Variants in MBTD1 observed in about 807,000 individuals in gnomAD.
MBTD1 encodes the protein mbt domain containing 1.
MBTD1 carries 24 observed loss-of-function variants against 87.8 expected under a neutral mutation model. The ratio of observed to expected loss-of-function variants is 0.27; its 90% CI spans 0.20 to 0.38. The LOEUF is 0.38. Among genes scored for constraint, MBTD1 ranks in the 10% least tolerant of loss-of-function variants. The pLI is 1.00. For missense variants in MBTD1, 436 were observed against 760.2 expected (o/e 0.57, Z 5.02); for synonymous variants, 237 against 248.6 (o/e 0.95, Z 0.44).
rs575726477 is a variant in MBTD1 at position 51,249,079 on chromosome 17, C to T, written c.-49+10064G>A. Among the ~76,000 whole-genome samples the T allele has an allele frequency of 8.8e-5, 13 of 147,932 alleles. No individual in the cohort carries two copies. The South Asian group carries it at 2.6e-3, about 30-fold the overall frequency. ...TAGCCTGGGCAACATGGCGAGACTTCGTCTCTACAATAAGCAAAAAAAAAA... is the reference window on the plus strand; with the variant it reads ...TAGCCTGGGCAACATGGCGAGACTTTGTCTCTACAATAAGCAAAAAAAAAA... On this transcript the variant is annotated intron_variant, in intron 2 of 16. Transcript: ENST00000586178.
chr17:51,181,058 T>C (rs2050287311), intron 16 of MBTD1, among the ~76,000 whole-genome samples: 1 of 150,628 alleles, frequency 6.6e-6, no homozygotes, highest in Non-Finnish European at 1.5e-5. Flanking sequence ...AGTCTCACTC[T>C]GTCATCAGGC....
chr17:51,193,072 C>T lies in MBTD1; in HGVS notation c.1456-56G>A, dbSNP rs1033964405. The T allele has an allele frequency of 4.3e-6, 5 of 1,153,308 alleles. No individual in the cohort carries two copies. The African/African-American group carries it at 6.1e-5, about 14-fold the overall frequency. The allele number at this position is 1,153,308 out of a possible 1,614,324, so 71.4% of individuals were successfully genotyped here. The stretch of plus-strand genomic sequence containing the variant: ...TATGAAGAAGAAAGAATGCACAACC[C>T]TACTATCACTAAGAAAGCAAAAAAC... On this transcript the variant is annotated intron_variant, in intron 14 of 16. Coordinates refer to ENST00000586178, the MANE Select transcript of MBTD1 (RefSeq NM_017643.3).
intron 16 of MBTD1, among the ~76,000 whole-genome samples, chr17:51,187,749 T>C (rs1316444041): frequency 1.3e-5 from 2 of 150,896 alleles, no homozygotes; most frequent in Non-Finnish European, 2.9e-5. Flanking sequence ...CTTGGGAGGC[T>C]GAAGCAGGAG....
At chr17:51,239,991 A>C (rs1033919419) in intron 2 of MBTD1, among the ~76,000 whole-genome samples, 2 of 152,166 alleles carry the variant, frequency 1.3e-5, no homozygotes, top group South Asian at 4.1e-4. Context: ...CCAGGGTCAT[A>C]TATTTCATTT....
chr17:51,215,477 G>A (rs1042871721), intron 6 of MBTD1, among the ~76,000 whole-genome samples: 2 of 152,160 alleles, frequency 1.3e-5, no homozygotes, highest in African/African-American at 4.8e-5. Context: ...GATACAAAGA[G>A]AGAGAAAGGC....
At chr17:51,204,513 A>ATT (rs2051698761) in intron 7 of MBTD1, among the ~76,000 whole-genome samples, 2 of 145,066 alleles carry the variant, frequency 1.4e-5, no homozygotes, top group Admixed American at 6.9e-5. Context: ...ATATATATAT[A>ATT]TTTTATGAAG....
intron 3 of MBTD1, among the ~76,000 whole-genome samples, chr17:51,223,817 C>G (rs1158407574): frequency 6.6e-6 from 1 of 152,032 alleles, no homozygotes; most frequent in Non-Finnish European, 1.5e-5. Flanking sequence ...GCTTGGGCAT[C>G]AGAGTGAGAC....
chr17:51,257,456 T>C (rs1409004658), intron 2 of MBTD1, among the ~76,000 whole-genome samples: 1 of 152,250 alleles, frequency 6.6e-6, no homozygotes, highest in East Asian at 1.9e-4. Flanking sequence ...ATAGCTTATA[T>C]TTTCCTTTGA....
chr17:51,218,671 T>C (rs942355476), intron 5 of MBTD1, among the ~76,000 whole-genome samples: 1 of 151,924 alleles, frequency 6.6e-6, no homozygotes, highest in Non-Finnish European at 1.5e-5. Context: ...ATTCAAAGAA[T>C]CTGTACATGA....
intron 2 of MBTD1, among the ~76,000 whole-genome samples, chr17:51,257,544 G>A (rs540469062): frequency 1.3e-5 from 2 of 152,138 alleles, no homozygotes; most frequent in Non-Finnish European, 1.5e-5. Flanking sequence ...AGCAGCACTA[G>A]AACATCTAGA....
intron 7 of MBTD1, among the ~76,000 whole-genome samples, chr17:51,205,793 G>A: frequency 6.6e-6 from 1 of 152,156 alleles, no homozygotes; most frequent in East Asian, 1.9e-4. Context: ...CATAAAAGAT[G>A]CTTGAACAGA....
At chr17:51,222,757 G>A (rs571736587) in intron 3 of MBTD1, among the ~76,000 whole-genome samples, 173 of 152,126 alleles carry the variant, frequency 1.1e-3, no homozygotes, top group African/African-American at 3.9e-3. Context: ...GATAAATGAA[G>A]TTTTTTGATA....
At position 51,211,717 on chromosome 17, in the gene MBTD1, G is replaced by A. The variant is rs560171525; in HGVS notation, c.487-4712C>T. On this transcript the variant is annotated intron_variant, in intron 6 of 16. Coordinates refer to ENST00000586178, the MANE Select transcript of MBTD1 (RefSeq NM_017643.3). ...TGAAGATTTTAACTTTCGTTAAAAT[G>A]GAGATGAAGTATTATGATTTATTTC... Among the ~76,000 whole-genome samples the A allele has an allele frequency of 2.5e-4, 38 of 151,888 alleles. No homozygotes were observed. In the Middle Eastern group the frequency reaches 0.014, roughly 54 times the overall value.
At chr17:51,194,665 T>G (rs2145106566) in intron 13 of MBTD1, among the ~76,000 whole-genome samples, 1 of 149,006 alleles carries the variant, frequency 6.7e-6, no homozygotes, top group South Asian at 2.1e-4. Flanking sequence ...GAGGATCAGT[T>G]GAGGCCAGGA....
intron 6 of MBTD1, among the ~76,000 whole-genome samples, chr17:51,211,364 G>A (rs532671734): frequency 1.3e-5 from 2 of 151,948 alleles, no homozygotes; most frequent in Non-Finnish European, 2.9e-5. Context: ...AAAATTATCT[G>A]GGCATGGTGG....
intron 2 of MBTD1, among the ~76,000 whole-genome samples, chr17:51,227,383 A>T (rs1472085587): frequency 6.6e-6 from 1 of 152,068 alleles, no homozygotes; most frequent in Non-Finnish European, 1.5e-5. Flanking sequence ...CAATATGGCA[A>T]AACTCCATCT....
In MBTD1 at chr17:51,256,217, G is replaced by C. The variant is rs1312439531; in HGVS notation, c.-49+2926C>G. ...ACAGCGGGCATAACATCTGAGTGGA[G>C]GTTTACAGAAACTACAGGAGGCAGG... On this transcript the variant is annotated intron_variant, in intron 2 of 16. Transcript: ENST00000586178. The C allele has an allele frequency of 5.3e-5, 8 of 152,162 alleles. No individual in the cohort carries two copies. In the South Asian group the frequency reaches 1.5e-3, roughly 28 times the overall value. The allele number at this position is 152,162 out of a possible 1,614,324, so 9.4% of individuals were successfully genotyped here. A position where few individuals can be genotyped will look rare whatever the true frequency, so the allele number is the denominator to read the frequency against.
At chr17:51,220,494 T>C in intron 3 of MBTD1, 31 bp from the exon 4 acceptor site, 3 of 1,495,822 alleles carry the variant, frequency 2.0e-6, no homozygotes, top group Non-Finnish European at 2.7e-6. Context: ...ACTGGTGTTA[T>C]GATGATATAA....
At position 51,220,381 on chromosome 17, in the gene MBTD1, T is replaced by C; in HGVS notation, c.237A>G (p.Ser79=). The C allele has an allele frequency of 6.4e-7, 1 of 1,551,052 alleles. No individual in the cohort carries two copies. The highest frequency in any genetic ancestry group is 8.7e-7 in the Non-Finnish European group (1 of 1,146,376). The change falls in exon 4 of 17, where the codon TCA becomes TCG. Residue 79 remains serine (S), a synonymous_variant. Transcript: ENST00000586178. ...TCTTGGAGTTTGACGAGTAACTTCT[T>C]GAACATGAAACGCTACAGAAACGCT... ...KTKRFCSVSC[S]RSYSSNSKKA...
Sources: allele counts gnomAD v4.1 joint callset (sites outside exome capture counted in the v4.1 genomes callset), GRCh38; gene constraint gnomAD v4.1.1; transcripts MANE v1.5; gene names NCBI Gene and HGNC (gene_info 2026-07-23, HGNC 2026-07-21).